The following STAU1 variants were observed in gnomAD, a reference collection of about 807,000 sequenced individuals.
STAU1 encodes the protein double-stranded RNA-binding protein Staufen homolog 1.
In STAU1, 13 loss-of-function variants were observed where a neutral mutation model predicts 62.9. The ratio of observed to expected loss-of-function variants is 0.21; its 90% CI spans 0.13 to 0.33. The LOEUF (loss-of-function observed/expected upper bound fraction) is 0.33. Among genes scored for constraint, STAU1 ranks in the 10% least tolerant of loss-of-function variants. STAU1 has a pLI of 1.00. For missense variants in STAU1, 571 were observed against 712.1 expected, an observed-to-expected ratio of 0.80 and a Z score of 2.25; for synonymous variants, 269 against 265.1, an observed-to-expected ratio of 1.01 and a Z score of -0.14.
chr20:49,121,213 T>C (rs998052493), intron 8 of STAU1, among the ~76,000 whole-genome samples: 5 of 151,864 alleles, frequency 3.3e-5, no homozygotes, highest in Admixed American at 3.3e-4. Flanking sequence ...TCGAGACCAG[T>C]CTGGCCAACA....
chr20:49,216,089 G>A, the STAU1 span, among the ~76,000 whole-genome samples: 1 of 150,036 alleles, frequency 6.7e-6, no homozygotes, highest in South Asian at 2.1e-4. Context: ...AAAACTCTTT[G>A]CTTTGAATTG....
At chr20:49,118,883 T>C (rs2092396823) in intron 9 of STAU1, among the ~76,000 whole-genome samples, 1 of 152,242 alleles carries the variant, frequency 6.6e-6, no homozygotes, top group African/African-American at 2.4e-5. Flanking sequence ...AAGAATTTTG[T>C]CTAACACAAC....
chr20:49,202,045 C>A, the STAU1 span, among the ~76,000 whole-genome samples: 3 of 150,186 alleles, frequency 2.0e-5, no homozygotes, highest in Admixed American at 2.0e-4. Context: ...ACGGTGAAAC[C>A]CCGTCTCTAC....
chr20:49,186,625 G>T (rs536708301), intron 1 of STAU1, among the ~76,000 whole-genome samples: 33 of 152,082 alleles, frequency 2.2e-4, no homozygotes, highest in Middle Eastern at 3.4e-3. Flanking sequence ...ACTAAGTACA[G>T]AATTTTTAAA....
At chr20:49,145,850 T>G (rs999749609) in intron 5 of STAU1, among the ~76,000 whole-genome samples, 48 of 151,402 alleles carry the variant, frequency 3.2e-4, no homozygotes, top group Admixed American at 5.9e-4. Context: ...TATGATCATG[T>G]CTGTGTACAG....
chr20:49,117,599 T>C lies in STAU1; in HGVS notation c.1509+178A>G, dbSNP rs1219406137. On this transcript the variant is annotated intron_variant, in intron 11 of 13. Coordinates refer to ENST00000371856, the MANE Select transcript of STAU1 (RefSeq NM_017453.4). This position sits in a 1 kb window ranked among gnomAD's most constrained non-coding sequence, Gnocchi z 4.6. ...TACCAAAGGATAAAGATATTTCTCT[T>C]ACCACATATGCTTACAATACTTCTA... 6.6e-6 allele frequency among the ~76,000 whole-genome samples: 1 copy of C among 152,212 alleles called. No homozygotes were observed. The highest frequency in any genetic ancestry group is 1.5e-5 in the Non-Finnish European group (1 of 68,038).
At chr20:49,134,593 T>A in intron 6 of STAU1, 1 of 1,303,300 alleles carries the variant, frequency 7.7e-7, no homozygotes, top group South Asian at 1.2e-5. Context: ...AGACAAAAGA[T>A]ACAGATATTG....
chr20:49,137,748 G>A, intron 5 of STAU1, among the ~76,000 whole-genome samples: 1 of 151,124 alleles, frequency 6.6e-6, no homozygotes, highest in East Asian at 1.9e-4. Context: ...TCACTGCAAC[G>A]TCTGCCTCCT....
Position 49,168,680 on chromosome 20 carries a change from G to A in STAU1, c.-84-2395C>T, listed in dbSNP as rs1312570294. On this transcript the variant is annotated intron_variant, in intron 2 of 13. Transcript: ENST00000371856. ...TATGTGTCTTATTTAAGCCTGAACAGAGCATCTAAGGTAGTGATTCTCAAA... is the reference window on the plus strand; with the variant it reads ...TATGTGTCTTATTTAAGCCTGAACAAAGCATCTAAGGTAGTGATTCTCAAA... 2.6e-5 allele frequency among the ~76,000 whole-genome samples: 4 copies of A among 152,246 alleles called. No homozygotes were observed. The East Asian group carries it at 7.7e-4, about 29-fold the overall frequency.
At chr20:49,145,728 TAA>T (rs1241552094) in intron 5 of STAU1, among the ~76,000 whole-genome samples, 1 of 141,566 alleles carries the variant, frequency 7.1e-6, no homozygotes, top group Non-Finnish European at 1.5e-5. Context: ...GACTCCGTCT[TAA>T]AAAAAAAAAA....
Position 49,174,235 on chromosome 20 carries a change from T to C in STAU1, c.-125A>G, listed in dbSNP as rs770367128. On this transcript the variant is annotated 5_prime_UTR_variant, in exon 2 of 14. Transcript: ENST00000371856. The stretch of plus-strand genomic sequence containing the variant: ...GGCGTTCCAGGAACAATGTTGTCTT[T>C]GTTCAGTTCTGAGAGGTTAAGTGGT... 2 of 152,226 alleles carry C rather than the reference T, an allele frequency of 1.3e-5. No homozygotes were observed. Among genetic ancestry groups the C allele is most frequent in the Non-Finnish European group, 2.9e-5 (2 of 68,042 alleles). 9.4% of individuals were successfully genotyped at this position (152,226 alleles called of 1,614,324 possible). A position where few individuals can be genotyped will look rare whatever the true frequency, so the allele number is the denominator to read the frequency against.
At chr20:49,145,628 G>C (rs1180791318) in intron 5 of STAU1, among the ~76,000 whole-genome samples, 1 of 151,644 alleles carries the variant, frequency 6.6e-6, no homozygotes, top group Non-Finnish European at 1.5e-5. Context: ...TACTCGGGAG[G>C]CTATGGCAGG....
At chr20:49,142,558 A>G (rs1183768573) in intron 5 of STAU1, among the ~76,000 whole-genome samples, 1 of 152,124 alleles carries the variant, frequency 6.6e-6, no homozygotes. Context: ...ATCACTTGGG[A>G]GCTTCACAAG....
upstream of STAU1, among the ~76,000 whole-genome samples, chr20:49,192,825 G>C (rs1331914538): frequency 6.6e-6 from 1 of 152,036 alleles, no homozygotes; most frequent in African/African-American, 2.4e-5. Flanking sequence ...AAAAGACATT[G>C]AATGAGATCC....
At chr20:49,175,860 T>C (rs1341541540) in intron 1 of STAU1, among the ~76,000 whole-genome samples, 5 of 141,058 alleles carry the variant, frequency 3.5e-5, no homozygotes, top group African/African-American at 1.3e-4. Flanking sequence ...AGTGGCGCAA[T>C]CTCGGCTCAC....
At position 49,169,589 on chromosome 20, in the gene STAU1, T is replaced by TAA. The variant is rs1203704958; in HGVS notation, c.-84-3305_-84-3304insTT. Among the ~76,000 whole-genome samples, 16 of 152,342 alleles carry TAA rather than the reference T, an allele frequency of 1.1e-4. No individual in the cohort carries two copies. The East Asian group carries it at 3.1e-3, about 29-fold the overall frequency. ...GACTTGAGAGATCAAAATGTTTTGT[T>TAA]AGAGTCTTCTTAGAGACAAACACTA... On this transcript the variant is annotated intron_variant, in intron 2 of 13. Coordinates refer to ENST00000371856, the MANE Select transcript of STAU1 (RefSeq NM_017453.4).
intron 7 of STAU1, 116 bp downstream of exon 7, chr20:49,124,258 TG>T: frequency 1.9e-6 from 2 of 1,029,056 alleles, no homozygotes; most frequent in Non-Finnish European, 2.9e-6. Context: ...CTGGCAGGCC[TG>T]GGGTGTGGCA....
chr20:49,218,558 AAACAAAC>A, the STAU1 span, among the ~76,000 whole-genome samples: 11 of 145,412 alleles, frequency 7.6e-5, no homozygotes, highest in Non-Finnish European at 1.2e-4. Flanking sequence ...ACAAACAAAC[AAACAAAC>A]AAAAAAAACA....
chr20:49,133,022 T>C (rs774639560), intron 6 of STAU1, among the ~76,000 whole-genome samples: 1 of 152,116 alleles, frequency 6.6e-6, no homozygotes, highest in Non-Finnish European at 1.5e-5. Flanking sequence ...TTCCTGATAT[T>C]TGAGTTAATG....
Sources: allele counts gnomAD v4.1 joint callset (sites outside exome capture counted in the v4.1 genomes callset), GRCh38; gene constraint gnomAD v4.1.1; non-coding constraint Gnocchi (gnomAD v3.1); transcripts MANE v1.5; gene names NCBI Gene and HGNC (gene_info 2026-07-23, HGNC 2026-07-21).